The following APH1A variants were observed in gnomAD, a reference collection of about 807,000 sequenced individuals.
APH1A encodes aph-1A gamma-secretase subunit, also known as gamma-secretase subunit APH-1A.
APH1A carries 16 observed loss-of-function variants against 30.3 expected under a neutral mutation model. The ratio of observed to expected loss-of-function variants is 0.53; its 90% CI spans 0.36 to 0.80. The LOEUF is 0.80. APH1A is among the 30% of genes least tolerant of loss of function. The pLI, the probability that APH1A is intolerant of heterozygous loss-of-function variation, is 0.01. For missense variants in APH1A, 245 were observed against 337.8 expected, an observed-to-expected ratio of 0.73 and a Z score of 2.15; for synonymous variants, 144 against 140.1, an observed-to-expected ratio of 1.03 and a Z score of -0.20.
At chr1:150,266,745 A>C (rs1386761356) in intron 5 of APH1A, 89 bp from the exon 6 acceptor site, 41 of 1,444,554 alleles carry the variant, frequency 2.8e-5, no homozygotes, top group Non-Finnish European at 3.6e-5. Context: ...ACTCCCAGAT[A>C]TCTCTCTCAA....
Position 150,266,609 on chromosome 1 carries a change from T to C in APH1A, c.657A>G (p.Ala219=). 1.9e-6 allele frequency: 3 copies of C among 1,614,088 alleles called. No homozygotes were observed. Among genetic ancestry groups the C allele is most frequent in the Non-Finnish European group, 2.5e-6 (3 of 1,179,994 alleles). ...CCCAGAGCCCCATGGAAACAGTGAC[T>C]GCATAGATGGGCAGCAGGCTGGCCT... ...WYEASLLPIY[A]VTVSMGLWAF... Residue 219 remains alanine, a synonymous_variant, in exon 6 of 7, where the codon GCA becomes GCG. Transcript: ENST00000369109.
intron 6 of APH1A, 35 bp from the exon 7 acceptor site, chr1:150,266,229 G>C: frequency 1.3e-6 from 2 of 1,576,608 alleles, no homozygotes; most frequent in Non-Finnish European, 1.7e-6. Flanking sequence ...CTTGGGCAGG[G>C]TGAGAGCAGA....
At chr1:150,266,992 A>G in intron 5 of APH1A, 83 bp downstream of exon 5, 1 of 1,571,696 alleles carries the variant, frequency 6.4e-7, no homozygotes, top group Non-Finnish European at 8.6e-7. Flanking sequence ...AAAAATGTTA[A>G]GAAGTGAGGA....
chr1:150,268,654 T>C (rs782795836), intron 1 of APH1A, 44 bp downstream of exon 1: 3 of 1,565,238 alleles, frequency 1.9e-6, no homozygotes, highest in South Asian at 2.3e-5. Flanking sequence ...CTTCCGCACC[T>C]CTCTCTTCGA....
Position 150,268,827 on chromosome 1 carries a change from A to AG in APH1A, c.-18dup. On this transcript the variant is annotated 5_prime_UTR_variant, in exon 1 of 7. Transcript: ENST00000369109. ...AGCCCCCATGGCTGGTCAGGTGGGAAGGGGGGTGGGGGCCTGACCAGGACA... is the reference window on the plus strand; with the variant it reads ...AGCCCCCATGGCTGGTCAGGTGGGAAGGGGGGGTGGGGGCCTGACCAGGACA... 1.3e-6 allele frequency: 2 copies of AG among 1,586,918 alleles called. No homozygotes were observed. The highest frequency in any genetic ancestry group is 1.7e-6 in the Non-Finnish European group (2 of 1,163,904).
At chr1:150,267,883 C>CA in intron 2 of APH1A, 74 bp downstream of exon 2, 1 of 1,612,488 alleles carries the variant, frequency 6.2e-7, no homozygotes, top group South Asian at 1.1e-5. Flanking sequence ...TCCAAACCAG[C>CA]ACCCAGGGGC....
intron 5 of APH1A, 41 bp from the exon 6 acceptor site, chr1:150,266,697 C>A (rs1553849995): frequency 6.2e-7 from 1 of 1,603,464 alleles, no homozygotes; most frequent in Non-Finnish European, 8.5e-7. Flanking sequence ...TTAGATTCTC[C>A]CTCGACCTAA....
intron 5 of APH1A, 84 bp from the exon 6 acceptor site, chr1:150,266,740 C>CAG: frequency 6.8e-7 from 1 of 1,462,294 alleles, no homozygotes; most frequent in East Asian, 2.3e-5. Flanking sequence ...TTCTGACTCC[C>CAG]AGATATCTCT....
chr1:150,266,088 TCAGGAGGGCACC>T lies in APH1A; in HGVS notation c.*30_*41del. ...GATGGAGAAATACAGGGCGAGGACA[TCAGGAGGGCACC>T]CCAGGCCCAGGGGTCCCCCCTAGGT... On this transcript the variant is annotated 3_prime_UTR_variant, in exon 7 of 7. Coordinates refer to ENST00000369109, the MANE Select transcript of APH1A (RefSeq NM_001077628.3). The T allele has an allele frequency of 6.4e-7, 1 of 1,559,516 alleles. No individual in the cohort carries two copies. Among genetic ancestry groups the T allele is most frequent in the Non-Finnish European group, 8.7e-7 (1 of 1,151,082 alleles).
At chr1:150,268,480 G>A in intron 1 of APH1A, 1 of 603,776 alleles carries the variant, frequency 1.7e-6, no homozygotes, top group Non-Finnish European at 2.9e-6. Context: ...CTCTGACGTC[G>A]CTGGGAGGAA....
At chr1:150,267,017 C>T in intron 5 of APH1A, 58 bp downstream of exon 5, 1 of 1,605,050 alleles carries the variant, frequency 6.2e-7, no homozygotes, top group South Asian at 1.1e-5. Context: ...CTTTCCCCCA[C>T]ATCCCACTCA....
In APH1A at chr1:150,265,723, C is replaced by A. The variant is rs987839448; in HGVS notation, c.*407G>T. ...CCAGTTCCCAAACATGCACTTCCTT[C>A]CTTTCCCCCAAGGTCTGGGACCAAG... On this transcript the variant is annotated 3_prime_UTR_variant, in exon 7 of 7. Coordinates refer to ENST00000369109, the MANE Select transcript of APH1A (RefSeq NM_001077628.3). The A allele has an allele frequency of 1.2e-5, 2 of 169,396 alleles. No homozygotes were observed. 10.5% of individuals were successfully genotyped at this position (169,396 alleles called of 1,614,324 possible). A position where few individuals can be genotyped will look rare whatever the true frequency, so the allele number is the denominator to read the frequency against.
rs1317652512 is a variant in APH1A at position 150,268,958 on chromosome 1, G to C, written c.-148C>G. ...CCCCCAGACCCCGGGGAAGGGGAAG[G>C]GGGGGAACCGAAACCCCAAATGAAG... is the stretch of plus-strand genomic sequence containing the variant. On this transcript the variant is annotated 5_prime_UTR_variant, in exon 1 of 7. Coordinates refer to ENST00000369109, the MANE Select transcript of APH1A (RefSeq NM_001077628.3). 1.7e-5 allele frequency: 11 copies of C among 640,906 alleles called. No individual in the cohort carries two copies. The highest frequency in any genetic ancestry group is 1.1e-4 in the African/African-American group (6 of 54,294). 39.7% of individuals were successfully genotyped at this position (640,906 alleles called of 1,614,324 possible). A position where few individuals can be genotyped will look rare whatever the true frequency, so the allele number is the denominator to read the frequency against.
chr1:150,267,718 T>C lies in APH1A; in HGVS notation c.356A>G (p.Tyr119Cys), dbSNP rs782021342. The change falls in exon 3 of 7, where the codon TAT (tyrosine) becomes TGT (cysteine). Residue 119 changes from tyrosine to cysteine, a missense_variant and splice_region_variant. Physicochemically the swap from Tyr to Cys is radical, Grantham distance 194 (BLOSUM62 -2). Coordinates refer to ENST00000369109, the MANE Select transcript of APH1A (RefSeq NM_001077628.3). ...CCAGTCCCTCTCCCTTGGCTCACCA[T>C]AGGCCATCTGGCGGATGGAGATGGG... Reference protein sequence around the residue: ...RSPISIRQMAYVSGLSFGIIS... With the variant: ...RSPISIRQMACVSGLSFGIIS... The C allele has an allele frequency of 6.2e-7, 1 of 1,611,190 alleles. No individual in the cohort carries two copies. Among genetic ancestry groups the C allele is most frequent in the Non-Finnish European group, 8.5e-7 (1 of 1,178,740 alleles).
Position 150,266,035 on chromosome 1 carries a change from T to C in APH1A, c.*95A>G. 1 of 1,438,230 alleles carries C rather than the reference T, an allele frequency of 7.0e-7. No homozygotes were observed. The highest frequency in any genetic ancestry group is 9.3e-7 in the Non-Finnish European group (1 of 1,073,906). 89.1% of individuals were successfully genotyped at this position (1,438,230 alleles called of 1,614,324 possible). On this transcript the variant is annotated 3_prime_UTR_variant, in exon 7 of 7. Transcript: ENST00000369109. ...CAATGGCTAAACTAGGTCCCTTTTC[T>C]TGGCAACCTGCACTGTCCAGAACTG...
At chr1:150,267,012 C>T (rs1651782218) in intron 5 of APH1A, 63 bp downstream of exon 5, 7 of 1,601,770 alleles carry the variant, frequency 4.4e-6, no homozygotes, top group Non-Finnish European at 6.0e-6. Flanking sequence ...ATACCCTTTC[C>T]CCCACATCCC....
rs2101854280 is a variant in APH1A, at chr1:150,268,386, C to A, written c.114-259G>T. 4 of 598,238 alleles carry A rather than the reference C, an allele frequency of 6.7e-6. No individual in the cohort carries two copies. In the East Asian group the frequency reaches 1.2e-4, roughly 17 times the overall value. The allele number at this position is 598,238 out of a possible 1,614,324, so 37.1% of individuals were successfully genotyped here. On this transcript the variant is annotated intron_variant, in intron 1 of 6. Coordinates refer to ENST00000369109, the MANE Select transcript of APH1A (RefSeq NM_001077628.3). The stretch of plus-strand genomic sequence containing the variant: ...GTGCGAGCACGGAAGGGCGAGGTAT[C>A]CGTTCCTGGATCCTCCCCTAAGGCA...
At chr1:150,266,507 G>C (rs370449855) in intron 6 of APH1A, 26 bp downstream of exon 6, 43 of 1,613,510 alleles carry the variant, frequency 2.7e-5, no homozygotes, top group Middle Eastern at 1.6e-4. Context: ...TCTGTCAGGC[G>C]ATCAGTCCAG....
At chr1:150,266,945 T>G in intron 5 of APH1A, 130 bp downstream of exon 5, 2 of 1,441,878 alleles carry the variant, frequency 1.4e-6, no homozygotes, top group South Asian at 2.7e-5. Flanking sequence ...TGAGAGACCT[T>G]GAAAGACTCA....
Sources: allele counts gnomAD v4.1 joint callset, GRCh38; gene constraint gnomAD v4.1.1; transcripts MANE v1.5; gene names NCBI Gene and HGNC (gene_info 2026-07-23, HGNC 2026-07-21).